Variants in PIGN observed in about 807,000 individuals in gnomAD.
The protein encoded by PIGN is phosphatidylinositol glycan anchor biosynthesis class N, also known as GPI ethanolamine phosphate transferase 1.
A neutral mutation model predicts 125.4 loss-of-function variants in PIGN; 117 were observed. The observed-to-expected ratio is 0.93, with a 90% CI of 0.80 to 1.09. The LOEUF (loss-of-function observed/expected upper bound fraction) is 1.09. Ranked by LOEUF, PIGN falls within the 50% of genes least tolerant of loss-of-function variation. The probability of loss-of-function intolerance (pLI) is 0.00; values close to 1 mark genes in which losing one functional copy is unlikely to be tolerated. For missense variants in PIGN, 1,075 were observed against 1,094.9 expected (o/e 0.98, Z 0.26); for synonymous variants, 392 against 377.8 (o/e 1.04, Z -0.44).
chr18:62,084,178 A>G (rs1599478975), intron 27 of PIGN, among the ~76,000 whole-genome samples: 1 of 152,306 alleles, frequency 6.6e-6, no homozygotes, highest in East Asian at 1.9e-4. Flanking sequence ...ATGGCTTATG[A>G]GAAAAGATTA....
At chr18:62,133,227 C>T (rs570582737) in intron 14 of PIGN, among the ~76,000 whole-genome samples, 1 of 152,256 alleles carries the variant, frequency 6.6e-6, no homozygotes, top group Non-Finnish European at 1.5e-5. Context: ...GTATTAAATC[C>T]ATTTTGCACT....
chr18:62,133,599 T>C (rs548461447), intron 14 of PIGN, among the ~76,000 whole-genome samples: 1 of 152,324 alleles, frequency 6.6e-6, no homozygotes, highest in Middle Eastern at 3.4e-3. Flanking sequence ...AACAGTATTA[T>C]CCAACATTTG....
At chr18:62,094,095 T>C (rs1216072174) in intron 23 of PIGN, among the ~76,000 whole-genome samples, 1 of 152,098 alleles carries the variant, frequency 6.6e-6, no homozygotes, top group Non-Finnish European at 1.5e-5. Context: ...TGATAATTTG[T>C]TTGGGCATCT....
chr18:62,091,847 A>C (rs1017472657), intron 23 of PIGN, among the ~76,000 whole-genome samples: 2 of 152,288 alleles, frequency 1.3e-5, no homozygotes, highest in Admixed American at 6.5e-5. Flanking sequence ...TTTGAAAACC[A>C]AGTCTGTCTG....
At chr18:62,069,450 G>T (rs927488467) in intron 30 of PIGN, 1 of 152,200 alleles carries the variant, frequency 6.6e-6, no homozygotes, top group African/African-American at 2.4e-5. Context: ...TCCATTGACA[G>T]ATGAACAGGT....
rs749063186 is a variant in PIGN, at chr18:62,102,818, T to C, written c.1944A>G (p.Glu648=). ...CCTGTAACAGATGTACCAATAGCTC[T>C]TCCTTTATAAAGCTATCTTTTCTTT... ...LMKRKDSFIK[E]ELLVHLLQVL... Residue 648 remains glutamate, a synonymous_variant, in exon 21 of 31, where the codon GAA becomes GAG. Coordinates refer to ENST00000640252, the MANE Select transcript of PIGN (RefSeq NM_176787.5). 4.5e-6 allele frequency: 7 copies of C among 1,557,664 alleles called. No individual in the cohort carries two copies. The highest frequency in any genetic ancestry group is 5.2e-6 in the Non-Finnish European group (6 of 1,145,056).
At chr18:62,019,604 G>C (rs1475392357) in intron 23 of PIGN, among the ~76,000 whole-genome samples, 1 of 152,108 alleles carries the variant, frequency 6.6e-6, no homozygotes, top group Admixed American at 6.6e-5. Flanking sequence ...GCAAAAGGTG[G>C]ACACTTCAGG....
At chr18:62,081,918 G>C (rs2033467669) in intron 28 of PIGN, among the ~76,000 whole-genome samples, 2 of 152,022 alleles carry the variant, frequency 1.3e-5, no homozygotes, top group South Asian at 4.1e-4. Flanking sequence ...CCCAGTTCTA[G>C]CTTATACTCA....
At chr18:62,107,387 A>G in intron 17 of PIGN, 32 of 273,572 alleles carry the variant, frequency 1.2e-4, no homozygotes, top group Non-Finnish European at 1.7e-4. Context: ...CTGAGGTCAC[A>G]AGTTTGAGAC....
At chr18:62,054,338 A>T (rs1268240182) in intron 30 of PIGN, among the ~76,000 whole-genome samples, 1 of 151,984 alleles carries the variant, frequency 6.6e-6, no homozygotes, top group Non-Finnish European at 1.5e-5. Context: ...AGCACAATCT[A>T]AAAAAGTAAA....
At chr18:62,024,115 A>G (rs2030086461) in intron 23 of PIGN, among the ~76,000 whole-genome samples, 1 of 152,218 alleles carries the variant, frequency 6.6e-6, no homozygotes, top group Admixed American at 6.5e-5. Context: ...GCATCTAGGT[A>G]ACTAGAAACC....
chr18:62,115,015 C>T (rs547132416), intron 14 of PIGN, among the ~76,000 whole-genome samples: 3 of 152,278 alleles, frequency 2.0e-5, no homozygotes, highest in Admixed American at 6.5e-5. Flanking sequence ...GCAGACTTCA[C>T]GTGATTGAGG....
chr18:62,124,744 G>C (rs1000470611), intron 14 of PIGN, among the ~76,000 whole-genome samples: 1 of 151,982 alleles, frequency 6.6e-6, no homozygotes, highest in African/African-American at 2.4e-5. Flanking sequence ...TGAAATTTTT[G>C]TTGTGTTTCC....
chr18:62,144,756 T>C (rs2036258595), intron 10 of PIGN, among the ~76,000 whole-genome samples: 1 of 152,212 alleles, frequency 6.6e-6, no homozygotes, highest in Non-Finnish European at 1.5e-5. Flanking sequence ...TTCATAAAGC[T>C]ATACATTTAA....
intron 14 of PIGN, chr18:62,136,998 T>C: frequency 2.5e-6 from 1 of 398,076 alleles, no homozygotes; most frequent in Non-Finnish European, 4.4e-6. Context: ...TGTAAAGTAT[T>C]GTTCCTGGGT....
chr18:62,019,107 G>A (rs1215213302), intron 23 of PIGN, among the ~76,000 whole-genome samples: 3 of 152,176 alleles, frequency 2.0e-5, no homozygotes, highest in Non-Finnish European at 2.9e-5. Context: ...CACTCAGGAG[G>A]CTGAGATGGG....
chr18:62,122,940 A>G (rs1411980869), intron 14 of PIGN, among the ~76,000 whole-genome samples: 1 of 152,162 alleles, frequency 6.6e-6, no homozygotes, highest in Non-Finnish European at 1.5e-5. Context: ...ATGCCCTTAT[A>G]AAGAATAAGC....
chr18:62,102,675 G>T (rs756684409), intron 21 of PIGN, 119 bp downstream of exon 21: 3 of 514,460 alleles, frequency 5.8e-6, no homozygotes, highest in Admixed American at 8.0e-5. Context: ...TTTCTTCTCA[G>T]CTGGCAGATA....
At chr18:62,050,262 T>G (rs2031159805) in intron 30 of PIGN, among the ~76,000 whole-genome samples, 1 of 152,230 alleles carries the variant, frequency 6.6e-6, no homozygotes. Flanking sequence ...TTAATGGGGA[T>G]GGCATTGAAT....
Sources: gnomAD v4.1 joint callset for allele counts (sites outside exome capture counted in the v4.1 genomes callset) on GRCh38, gnomAD v4.1.1 for gene constraint, MANE v1.5 for transcripts, NCBI Gene and HGNC (gene_info 2026-07-23, HGNC 2026-07-21) for gene names.